STK33: variants seen among roughly 807,000 people sequenced by gnomAD.
The protein encoded by STK33 is serine/threonine kinase 33.
STK33 carries 52 observed loss-of-function variants against 58.0 expected under a neutral mutation model. The observed-to-expected ratio is 0.90, with a 90% CI of 0.72 to 1.13. STK33 has a LOEUF of 1.13. Ranked by LOEUF, STK33 falls within the 50% of genes most tolerant of loss-of-function variation. The pLI is 0.00. For missense variants in STK33, 630 were observed against 604.2 expected (o/e 1.04, Z -0.45); for synonymous variants, 215 against 200.1 (o/e 1.07, Z -0.63).
chr11:8,459,120 T>C (rs758342579), intron 8 of STK33, among the ~76,000 whole-genome samples: 2 of 152,170 alleles, frequency 1.3e-5, no homozygotes, highest in Non-Finnish European at 2.9e-5. Context: ...GAAATATAAA[T>C]TGGTCAATTT....
At chr11:8,498,009 C>T (rs1282143356) in intron 1 of STK33, among the ~76,000 whole-genome samples, 2 of 152,046 alleles carry the variant, frequency 1.3e-5, no homozygotes, top group African/African-American at 4.8e-5. Context: ...AAAGGATACA[C>T]ACTAAGACCA....
intron 6 of STK33, chr11:8,465,562 T>G (rs953190741): frequency 6.6e-6 from 1 of 152,234 alleles, no homozygotes; most frequent in Non-Finnish European, 1.5e-5. Flanking sequence ...CTTATCAATT[T>G]GGTTTTGGGG....
At chr11:8,348,918 C>A in the STK33 span, among the ~76,000 whole-genome samples, 2 of 152,152 alleles carry the variant, frequency 1.3e-5, no homozygotes, top group African/African-American at 4.8e-5. Flanking sequence ...TTTAAAATAT[C>A]ATTTCTTCAA....
At chr11:8,581,160 G>A (rs1445185588) in intron 1 of STK33, among the ~76,000 whole-genome samples, 1 of 151,828 alleles carries the variant, frequency 6.6e-6, no homozygotes, top group Non-Finnish European at 1.5e-5. Context: ...CTCACCTTGA[G>A]CCAAACCTTA....
At chr11:8,508,098 C>G (rs1952008360) in intron 1 of STK33, among the ~76,000 whole-genome samples, 1 of 151,968 alleles carries the variant, frequency 6.6e-6, no homozygotes, top group African/African-American at 2.4e-5. Context: ...ACCATGTTAG[C>G]CAGGCTGGTC....
intron 11 of STK33, among the ~76,000 whole-genome samples, chr11:8,441,867 T>C (rs748639170): frequency 1.3e-5 from 2 of 152,200 alleles, no homozygotes; most frequent in African/African-American, 4.8e-5. Context: ...TTCTGTGAGA[T>C]AGATACGTAA....
At chr11:8,472,270 G>A (rs961708935) in intron 6 of STK33, among the ~76,000 whole-genome samples, 3 of 142,960 alleles carry the variant, frequency 2.1e-5, no homozygotes, top group African/African-American at 7.8e-5. Context: ...GTGTGTGTGT[G>A]TCAGAGTTTT....
At chr11:8,559,072 A>G (rs11041983) in intron 1 of STK33, among the ~76,000 whole-genome samples, 81,504 of 151,986 alleles carry the variant, frequency 0.54, 22,003 homozygotes, top group South Asian at 0.66. Context: ...GAAAATGTAG[A>G]GGTCCACTTG....
chr11:8,502,201 T>G (rs1415211476), intron 1 of STK33, among the ~76,000 whole-genome samples: 1 of 152,130 alleles, frequency 6.6e-6, no homozygotes. Flanking sequence ...TTTGCCAAAA[T>G]TAATTTAAGT....
intron 15 of STK33, among the ~76,000 whole-genome samples, chr11:8,406,059 C>T (rs1252615255): frequency 1.4e-5 from 2 of 141,460 alleles, no homozygotes; most frequent in African/African-American, 2.6e-5. Flanking sequence ...AGGAGAATGG[C>T]GGGAACCTGG....
intron 6 of STK33, among the ~76,000 whole-genome samples, chr11:8,468,396 T>G (rs188430386): frequency 9.9e-5 from 15 of 152,276 alleles, no homozygotes; most frequent in Non-Finnish European, 1.6e-4. Context: ...ACAGGTAAAT[T>G]AGAGGCTTGT....
the STK33 span, among the ~76,000 whole-genome samples, chr11:8,370,240 C>A: frequency 6.6e-6 from 1 of 152,102 alleles, no homozygotes; most frequent in Non-Finnish European, 1.5e-5. Flanking sequence ...CTCTGCCACC[C>A]AGGCTGGAGT....
At chr11:8,369,271 T>C in the STK33 span, among the ~76,000 whole-genome samples, 6 of 150,196 alleles carry the variant, frequency 4.0e-5, no homozygotes, top group Admixed American at 6.7e-5. Context: ...TTTTACAGTT[T>C]TCTGTGGTGT....
chr11:8,564,604 C>T (rs1473193773), intron 1 of STK33, among the ~76,000 whole-genome samples: 1 of 152,178 alleles, frequency 6.6e-6, no homozygotes, highest in African/African-American at 2.4e-5. Context: ...GAAGAAAAGA[C>T]TGAAGGAACT....
chr11:8,583,068 T>A (rs898953713), intron 1 of STK33, among the ~76,000 whole-genome samples: 1 of 152,224 alleles, frequency 6.6e-6, no homozygotes, highest in Admixed American at 6.5e-5. Context: ...AGAATGTTTT[T>A]CCTCATAATG....
At chr11:8,518,085 C>G (rs893484839) in intron 1 of STK33, among the ~76,000 whole-genome samples, 29 of 152,158 alleles carry the variant, frequency 1.9e-4, no homozygotes, top group Admixed American at 1.4e-3. Flanking sequence ...TAAGGGCAGC[C>G]AGAGAGAAAG....
At chr11:8,338,915 G>A in the STK33 span, among the ~76,000 whole-genome samples, 1 of 152,302 alleles carries the variant, frequency 6.6e-6, no homozygotes, top group Admixed American at 6.5e-5. Flanking sequence ...GGTGTTTGTT[G>A]AATGACTGAC....
chr11:8,513,654 C>T (rs142200752), intron 1 of STK33, among the ~76,000 whole-genome samples: 298 of 152,200 alleles, frequency 2.0e-3, no homozygotes, highest in African/African-American at 6.9e-3. Flanking sequence ...TAAAACATTA[C>T]TTCAATCACG....
At chr11:8,585,241 T>C (rs2031316068) in intron 1 of STK33, among the ~76,000 whole-genome samples, 1 of 143,296 alleles carries the variant, frequency 7.0e-6, no homozygotes, top group African/African-American at 2.6e-5. Flanking sequence ...TTTTTTTTTT[T>C]TGAGACGGAG....
Sources: gnomAD v4.1 joint callset for allele counts (sites outside exome capture counted in the v4.1 genomes callset) on GRCh38, gnomAD v4.1.1 for gene constraint, MANE v1.5 for transcripts, NCBI Gene and HGNC (gene_info 2026-07-23, HGNC 2026-07-21) for gene names.